PPP2R3A: variants seen among roughly 807,000 people sequenced by gnomAD.
PPP2R3A encodes the protein serine/threonine-protein phosphatase 2A regulatory subunit B'' subunit alpha.
A neutral mutation model predicts 106.9 loss-of-function variants in PPP2R3A; 80 were observed. The ratio of observed to expected loss-of-function variants is 0.75; its 90% CI spans 0.62 to 0.90. The LOEUF (loss-of-function observed/expected upper bound fraction) is 0.90. PPP2R3A is among the 40% of genes least tolerant of loss of function. The pLI is 0.00. For synonymous variants in PPP2R3A, 483 were observed against 468.3 expected, an observed-to-expected ratio of 1.03 and a Z score of -0.41; for missense variants, 1,386 against 1,350.4, an observed-to-expected ratio of 1.03 and a Z score of -0.41.
chr3:136,074,218 AAGTT>A (rs1323775158), intron 6 of PPP2R3A, among the ~76,000 whole-genome samples: 1 of 152,218 alleles, frequency 6.6e-6, no homozygotes, highest in African/African-American at 2.4e-5. Context: ...TGATGAAGGA[AAGTT>A]AGAAAACTTT....
rs1229257538 is a variant in PPP2R3A at position 136,134,990 on chromosome 3, A to G, written c.3330-10053A>G. 2.0e-5 allele frequency among the ~76,000 whole-genome samples: 3 copies of G among 152,326 alleles called. No individual in the cohort carries two copies. In the South Asian group the frequency reaches 6.2e-4, roughly 32 times the overall value. ...ATAGATAGCAGATCTAAACAAATAG[A>G]CATGTTCATCTGAAAAGAGAAACTA... On this transcript the variant is annotated intron_variant, in intron 13 of 13. Transcript: ENST00000264977.
chr3:136,015,065 G>A (rs902226809), intron 2 of PPP2R3A, among the ~76,000 whole-genome samples: 11 of 152,002 alleles, frequency 7.2e-5, no homozygotes, highest in African/African-American at 1.9e-4. Context: ...TGCTTTTCCC[G>A]CATCTATTTG....
chr3:135,992,882 A>G (rs1417973862), intron 1 of PPP2R3A, among the ~76,000 whole-genome samples: 2 of 152,280 alleles, frequency 1.3e-5, no homozygotes, highest in East Asian at 3.9e-4. Flanking sequence ...CACATAGGGG[A>G]CAAGAGGAGA....
chr3:136,085,108 C>T (rs1936890372), intron 8 of PPP2R3A, among the ~76,000 whole-genome samples: 1 of 152,090 alleles, frequency 6.6e-6, no homozygotes, highest in Non-Finnish European at 1.5e-5. Context: ...ATGGTTGGAA[C>T]AATATGGTTT....
chr3:136,048,867 A>T (rs1363474370), intron 4 of PPP2R3A, among the ~76,000 whole-genome samples: 1 of 152,182 alleles, frequency 6.6e-6, no homozygotes, highest in East Asian at 1.9e-4. Context: ...GTGTCGGGGT[A>T]AAAGGAAGGG....
chr3:135,966,496 C>G (rs1241581505), intron 1 of PPP2R3A, among the ~76,000 whole-genome samples: 1 of 152,038 alleles, frequency 6.6e-6, no homozygotes, highest in Non-Finnish European at 1.5e-5. Flanking sequence ...TCTCCCGCGC[C>G]GACCTGGCCG....
Position 136,118,744 on chromosome 3 carries a change from T to C in PPP2R3A, c.3329+12422T>C, listed in dbSNP as rs1301213320. Among the ~76,000 whole-genome samples, 4 of 152,134 alleles carry C rather than the reference T, an allele frequency of 2.6e-5. No individual in the cohort carries two copies. In the East Asian group the frequency reaches 7.7e-4, roughly 29 times the overall value. ...AAGAGAGGACACAAATGGGAAAATA[T>C]TCCATGCCCATGGATAGGAAGAATA... On this transcript the variant is annotated intron_variant, in intron 13 of 13. Coordinates refer to ENST00000264977, the MANE Select transcript of PPP2R3A (RefSeq NM_002718.5).
intron 1 of PPP2R3A, among the ~76,000 whole-genome samples, chr3:135,979,223 A>G (rs968230390): frequency 6.6e-6 from 1 of 151,642 alleles, no homozygotes; most frequent in Admixed American, 6.6e-5. Context: ...TACTAAAAAT[A>G]CGAAAATTAG....
intron 3 of PPP2R3A, among the ~76,000 whole-genome samples, chr3:136,027,388 T>G (rs534137338): frequency 1.3e-5 from 2 of 152,178 alleles, no homozygotes; most frequent in South Asian, 4.2e-4. Flanking sequence ...GTCAAATACT[T>G]GTTTGTTAGA....
At chr3:136,011,568 G>A (rs2107802078) in intron 2 of PPP2R3A, among the ~76,000 whole-genome samples, 1 of 152,208 alleles carries the variant, frequency 6.6e-6, no homozygotes, top group East Asian at 1.9e-4. Context: ...CCAGGCTTGA[G>A]CCCCTGAAAC....
At chr3:135,992,748 G>C (rs1933226987) in intron 1 of PPP2R3A, among the ~76,000 whole-genome samples, 1 of 152,250 alleles carries the variant, frequency 6.6e-6, no homozygotes, top group South Asian at 2.1e-4. Flanking sequence ...GAAGAGACCG[G>C]AGTTAAAGAT....
rs192982888 is a variant in PPP2R3A at position 136,035,571 on chromosome 3, G to A, written c.2263-5288G>A. ...ATAGGGCCGCAATTCCTTCTAGCTT[G>A]TAGGGCTCTGCTGAGAAATCTGCTG... is the stretch of plus-strand genomic sequence containing the variant. On this transcript the variant is annotated intron_variant, in intron 3 of 13. Transcript: ENST00000264977. 1.8e-3 allele frequency among the ~76,000 whole-genome samples: 274 copies of A among 152,284 alleles called. 2 individuals are homozygous for A. Among genetic ancestry groups the A allele is most frequent in the African/African-American group, 6.4e-3 (266 of 41,564 alleles).
intron 2 of PPP2R3A, among the ~76,000 whole-genome samples, chr3:136,014,753 T>C (rs1017659137): frequency 1.3e-5 from 2 of 152,034 alleles, no homozygotes; most frequent in African/African-American, 4.8e-5. Flanking sequence ...TTTCCAGGTA[T>C]ATGATCATAT....
At chr3:136,087,560 C>G (rs1936985400) in intron 8 of PPP2R3A, 1 of 194,550 alleles carries the variant, frequency 5.1e-6, no homozygotes, top group African/African-American at 2.3e-5. Context: ...AAGGATAAAA[C>G]TTGTCTTGTT....
chr3:135,970,676 A>G (rs1937222180), intron 1 of PPP2R3A, among the ~76,000 whole-genome samples: 1 of 152,194 alleles, frequency 6.6e-6, no homozygotes, highest in Admixed American at 6.5e-5. Flanking sequence ...CAAGTGTTGG[A>G]AATTCCTTTG....
intron 1 of PPP2R3A, among the ~76,000 whole-genome samples, chr3:135,986,910 CTTAT>C (rs1932944623): frequency 6.6e-6 from 1 of 152,246 alleles, no homozygotes; most frequent in South Asian, 2.1e-4. Context: ...CGTAGTAAAA[CTTAT>C]TTAAAGAGTT....
At chr3:136,132,458 A>G (rs1002389305) in intron 13 of PPP2R3A, among the ~76,000 whole-genome samples, 3 of 152,158 alleles carry the variant, frequency 2.0e-5, no homozygotes, top group East Asian at 1.9e-4. Flanking sequence ...GTAGTACAGT[A>G]TTTCTATATA....
chr3:136,068,490 C>T (rs527936471), intron 5 of PPP2R3A, among the ~76,000 whole-genome samples: 1 of 152,226 alleles, frequency 6.6e-6, no homozygotes, highest in South Asian at 2.1e-4. Flanking sequence ...TGCTGCCCTC[C>T]AGCCTGGATG....
At chr3:136,138,101 A>T (rs976554920) in intron 13 of PPP2R3A, among the ~76,000 whole-genome samples, 1 of 152,232 alleles carries the variant, frequency 6.6e-6, no homozygotes, top group Non-Finnish European at 1.5e-5. Flanking sequence ...AACATGAGTT[A>T]TAATATTACA....
Sources: allele counts gnomAD v4.1 joint callset (sites outside exome capture counted in the v4.1 genomes callset), GRCh38; gene constraint gnomAD v4.1.1; transcripts MANE v1.5; gene names NCBI Gene and HGNC (gene_info 2026-07-23, HGNC 2026-07-21).